ITGA8: variants seen among roughly 807,000 people sequenced by gnomAD.
ITGA8 encodes the protein integrin subunit alpha 8.
A neutral mutation model predicts 142.3 loss-of-function variants in ITGA8; 91 were observed. That is an observed-to-expected ratio of 0.64 (90% CI 0.54 to 0.76). The LOEUF is 0.76. Among genes scored for constraint, ITGA8 ranks in the 30% least tolerant of loss-of-function variants. The probability of loss-of-function intolerance (pLI) is 0.00; values close to 1 mark genes in which losing one functional copy is unlikely to be tolerated. For synonymous variants in ITGA8, 505 were observed against 485.2 expected, an observed-to-expected ratio of 1.04 and a Z score of -0.54; for missense variants, 1,406 against 1,327.7, an observed-to-expected ratio of 1.06 and a Z score of -0.92.
intron 13 of ITGA8, among the ~76,000 whole-genome samples, chr10:15,631,224 C>T (rs1833679127): frequency 6.6e-6 from 1 of 151,738 alleles, no homozygotes; most frequent in Non-Finnish European, 1.5e-5. Flanking sequence ...GGGTACATAC[C>T]CAAAGGATTA....
chr10:15,678,005 C>T (rs528910079), intron 5 of ITGA8, among the ~76,000 whole-genome samples: 1 of 152,192 alleles, frequency 6.6e-6, no homozygotes, highest in South Asian at 2.1e-4. Flanking sequence ...AAATTCTGTT[C>T]CAATTTATTT....
chr10:15,543,571 A>C (rs1487368834), intron 27 of ITGA8, among the ~76,000 whole-genome samples: 1 of 152,166 alleles, frequency 6.6e-6, no homozygotes, highest in Non-Finnish European at 1.5e-5. Flanking sequence ...GTCATAACAA[A>C]ACCAATTTAA....
At chr10:15,543,059 T>A (rs1027640524) in intron 27 of ITGA8, among the ~76,000 whole-genome samples, 2 of 152,198 alleles carry the variant, frequency 1.3e-5, no homozygotes, top group Non-Finnish European at 2.9e-5. Context: ...CCAAGTAGAA[T>A]AAACACCATA....
rs1834654339 is a variant in ITGA8 at position 15,677,587 on chromosome 10, C to A, written c.676+5G>T. 6.2e-7 allele frequency: 1 copy of A among 1,613,034 alleles called. No individual in the cohort carries two copies. The highest frequency in any genetic ancestry group is 1.1e-5 in the South Asian group (1 of 90,912). ...GTGCTTTTCTTGTCTGCCAACAGAA[C>A]ATACCTTGCCAGTAGAAACTCCCAG... is the stretch of plus-strand genomic sequence containing the variant. On this transcript the variant is annotated splice_donor_5th_base_variant and intron_variant, in intron 6 of 29. Transcript: ENST00000378076.
rs370993319 is a variant in ITGA8 at position 15,704,368 on chromosome 10, A to G, written c.343+14398T>C. Among the ~76,000 whole-genome samples, 12 of 152,200 alleles carry G rather than the reference A, an allele frequency of 7.9e-5. No homozygotes were observed. In the East Asian group the frequency reaches 2.3e-3, roughly 29 times the overall value. ...GCACCTGCTAATTTTTTTAGTAGGG[A>G]TAGGGTCTTGCTACATTGTCCAGAG... is the stretch of plus-strand genomic sequence containing the variant. On this transcript the variant is annotated intron_variant, in intron 2 of 29. Coordinates refer to ENST00000378076, the MANE Select transcript of ITGA8 (RefSeq NM_003638.3).
At position 15,677,582 on chromosome 10, in the gene ITGA8, C is replaced by G; in HGVS notation, c.676+10G>C. On this transcript the variant is annotated intron_variant, in intron 6 of 29. Coordinates refer to ENST00000378076, the MANE Select transcript of ITGA8 (RefSeq NM_003638.3). ...CAAATGTGCTTTTCTTGTCTGCCAACAGAACATACCTTGCCAGTAGAAACT... is the reference window on the plus strand; with the variant it reads ...CAAATGTGCTTTTCTTGTCTGCCAAGAGAACATACCTTGCCAGTAGAAACT... 5.0e-6 allele frequency: 8 copies of G among 1,611,500 alleles called. No individual in the cohort carries two copies. The highest frequency in any genetic ancestry group is 6.8e-6 in the Non-Finnish European group (8 of 1,178,726).
intron 8 of ITGA8, among the ~76,000 whole-genome samples, chr10:15,667,137 C>A (rs1207313691): frequency 6.6e-6 from 1 of 152,148 alleles, no homozygotes; most frequent in Non-Finnish European, 1.5e-5. Context: ...GGCTGTGAAT[C>A]CATCTGGTCC....
intron 3 of ITGA8, 105 bp from the exon 4 acceptor site, chr10:15,684,232 T>C: frequency 8.2e-7 from 1 of 1,221,410 alleles, no homozygotes; most frequent in Non-Finnish European, 1.1e-6. Context: ...ATTGGGTGAA[T>C]TAATTGGCCT....
At chr10:15,588,259 C>A (rs754340449) in intron 22 of ITGA8, among the ~76,000 whole-genome samples, 1 of 152,154 alleles carries the variant, frequency 6.6e-6, no homozygotes, top group African/African-American at 2.4e-5. Context: ...AAGTCCTGGC[C>A]GATTGTATAT....
chr10:15,596,847 G>T, intron 21 of ITGA8: 1 of 187,738 alleles, frequency 5.3e-6, no homozygotes, highest in Non-Finnish European at 1.1e-5. Context: ...GTCCTAATTT[G>T]GTTATTTTTA....
chr10:15,569,061 G>A (rs973024513), intron 25 of ITGA8, among the ~76,000 whole-genome samples: 1 of 152,170 alleles, frequency 6.6e-6, no homozygotes, highest in African/African-American at 2.4e-5. Flanking sequence ...TCAGGGAGAG[G>A]TAACGAAGAA....
At chr10:15,698,030 C>G (rs1242716383) in intron 2 of ITGA8, among the ~76,000 whole-genome samples, 1 of 152,096 alleles carries the variant, frequency 6.6e-6, no homozygotes, top group Non-Finnish European at 1.5e-5. Context: ...TACACTGTAC[C>G]CAATGTGTAG....
At chr10:15,650,150 A>G (rs1407577348) in intron 11 of ITGA8, among the ~76,000 whole-genome samples, 1 of 152,150 alleles carries the variant, frequency 6.6e-6, no homozygotes, top group African/African-American at 2.4e-5. Flanking sequence ...CCTCAAATAT[A>G]CATTGCTCAG....
At chr10:15,529,172 A>T (rs1328492173) in intron 28 of ITGA8, among the ~76,000 whole-genome samples, 2 of 151,940 alleles carry the variant, frequency 1.3e-5, no homozygotes, top group Non-Finnish European at 2.9e-5. Flanking sequence ...GTAACCTTGA[A>T]CTCCAGGGCT....
chr10:15,561,216 T>TATATATATATAC (rs1833968742), intron 25 of ITGA8, among the ~76,000 whole-genome samples: 1 of 103,822 alleles, frequency 9.6e-6, no homozygotes, highest in African/African-American at 3.6e-5. Context: ...TGGCTATATA[T>TATATATATATAC]ATATATATAT....
intron 11 of ITGA8, among the ~76,000 whole-genome samples, chr10:15,651,784 T>C (rs1834091001): frequency 6.6e-6 from 1 of 152,164 alleles, no homozygotes; most frequent in Admixed American, 6.5e-5. Flanking sequence ...CTATGAAATA[T>C]ATTATATATA....
chr10:15,671,338 A>G lies in ITGA8; in HGVS notation c.847+265T>C, dbSNP rs371667721. ...AACAGTATGGCATTTAGTCATCTATATTTTTCATTCATAACATGGGATTAT... is the reference window on the plus strand; with the variant it reads ...AACAGTATGGCATTTAGTCATCTATGTTTTTCATTCATAACATGGGATTAT... On this transcript the variant is annotated intron_variant, in intron 8 of 29. Coordinates refer to ENST00000378076, the MANE Select transcript of ITGA8 (RefSeq NM_003638.3). 2.1e-4 allele frequency among the ~76,000 whole-genome samples: 32 copies of G among 152,256 alleles called. No individual in the cohort carries two copies. The East Asian group carries it at 3.3e-3, about 16-fold the overall frequency.
intron 24 of ITGA8, 92 bp from the exon 25 acceptor site, chr10:15,572,461 T>A (rs1834204224): frequency 8.4e-7 from 1 of 1,196,478 alleles, no homozygotes. Context: ...TTAGAAAGCA[T>A]GTATTATTGG....
intron 21 of ITGA8, among the ~76,000 whole-genome samples, chr10:15,595,724 A>G (rs1833000329): frequency 6.6e-6 from 1 of 152,044 alleles, no homozygotes; most frequent in Non-Finnish European, 1.5e-5. Context: ...TGTTACTACC[A>G]CCTCAATTCA....
Sources: allele counts gnomAD v4.1 joint callset (sites outside exome capture counted in the v4.1 genomes callset), GRCh38; gene constraint gnomAD v4.1.1; transcripts MANE v1.5; gene names NCBI Gene and HGNC (gene_info 2026-07-23, HGNC 2026-07-21).